Variants in SLC35F3 observed in about 807,000 individuals in gnomAD.
SLC35F3 encodes the protein putative thiamine transporter SLC35F3.
A neutral mutation model predicts 49.9 loss-of-function variants in SLC35F3; 25 were observed. The observed-to-expected ratio is 0.50, with a 90% CI of 0.37 to 0.70. The LOEUF (loss-of-function observed/expected upper bound fraction) is 0.70. SLC35F3 is among the 30% of genes least tolerant of loss of function. SLC35F3 has a pLI of 0.00. For missense variants in SLC35F3, 525 were observed against 639.8 expected (o/e 0.82, Z 1.94); for synonymous variants, 275 against 265.4 (o/e 1.04, Z -0.35).
chr1:234,199,255 A>C (rs1472751736), intron 2 of SLC35F3, among the ~76,000 whole-genome samples: 2 of 152,144 alleles, frequency 1.3e-5, no homozygotes, highest in Non-Finnish European at 2.9e-5. Flanking sequence ...AAGAAAAAAA[A>C]CAAAAGTCGT....
chr1:234,210,779 A>G (rs968134483), intron 2 of SLC35F3, among the ~76,000 whole-genome samples: 1 of 152,264 alleles, frequency 6.6e-6, no homozygotes, highest in Non-Finnish European at 1.5e-5. Context: ...GCCTCAATGC[A>G]ATAGAAAGGA....
At chr1:233,996,920 C>CATATTGGGTG (rs1402959374) in intron 2 of SLC35F3, among the ~76,000 whole-genome samples, 3 of 152,104 alleles carry the variant, frequency 2.0e-5, no homozygotes, top group African/African-American at 7.2e-5. Context: ...CCTGTGACCC[C>CATATTGGGTG]CCACCCCTTA....
intron 2 of SLC35F3, among the ~76,000 whole-genome samples, chr1:233,977,111 C>T (rs918564015): frequency 6.6e-6 from 1 of 152,194 alleles, no homozygotes; most frequent in Non-Finnish European, 1.5e-5. Flanking sequence ...CAGGTTAGCT[C>T]AGCCAGCAGT....
At chr1:233,998,778 C>T (rs1340291486) in intron 2 of SLC35F3, among the ~76,000 whole-genome samples, 4 of 152,022 alleles carry the variant, frequency 2.6e-5, no homozygotes, top group Admixed American at 6.6e-5. Flanking sequence ...GTTATAGCAG[C>T]AGGAGTTAAA....
At chr1:234,178,861 CAT>C (rs552991587) in intron 2 of SLC35F3, among the ~76,000 whole-genome samples, 171 of 152,344 alleles carry the variant, frequency 1.1e-3, no homozygotes, top group African/African-American at 4.0e-3. Flanking sequence ...TGTCTAATGA[CAT>C]GTGTATCTAT....
intron 2 of SLC35F3, among the ~76,000 whole-genome samples, chr1:233,994,463 T>G (rs988825144): frequency 1.3e-5 from 2 of 151,986 alleles, no homozygotes; most frequent in African/African-American, 4.8e-5. Flanking sequence ...CAGAGTGTGG[T>G]GTGTATCAGC....
intron 2 of SLC35F3, among the ~76,000 whole-genome samples, chr1:234,206,607 G>A (rs1027563210): frequency 2.0e-5 from 3 of 152,030 alleles, no homozygotes; most frequent in East Asian, 1.9e-4. Context: ...CCACGCATTC[G>A]TTCACTCAAC....
chr1:234,012,092 G>A (rs958195374), intron 2 of SLC35F3, among the ~76,000 whole-genome samples: 34 of 152,344 alleles, frequency 2.2e-4, no homozygotes, highest in African/African-American at 7.9e-4. Context: ...AAGAATCTGT[G>A]TCATAATTAA....
intron 2 of SLC35F3, among the ~76,000 whole-genome samples, chr1:234,059,119 G>A (rs1030831628): frequency 3.3e-5 from 5 of 151,870 alleles, no homozygotes; most frequent in African/African-American, 1.2e-4. Flanking sequence ...CTCTTCAAGT[G>A]AATAGCTTTT....
intron 2 of SLC35F3, among the ~76,000 whole-genome samples, chr1:234,217,645 C>A (rs916852546): frequency 2.0e-5 from 3 of 151,556 alleles, no homozygotes; most frequent in African/African-American, 4.9e-5. Context: ...TAAGAAGAGG[C>A]CTTTCTGAGG....
At chr1:234,041,135 A>T (rs982411971) in intron 2 of SLC35F3, among the ~76,000 whole-genome samples, 1 of 152,190 alleles carries the variant, frequency 6.6e-6, no homozygotes, top group Non-Finnish European at 1.5e-5. Flanking sequence ...TCTAGGGCTA[A>T]TCTGCTTCTA....
In SLC35F3 at chr1:234,231,403, C is replaced by G. The variant is rs1212675939; in HGVS notation, c.284-14C>G. 2.6e-6 allele frequency: 4 copies of G among 1,514,142 alleles called. No homozygotes were observed. Among genetic ancestry groups the G allele is most frequent in the Non-Finnish European group, 2.6e-6 (3 of 1,134,414 alleles). The allele number at this position is 1,514,142 out of a possible 1,614,324, so 93.8% of individuals were successfully genotyped here. ...GTCTGCAGGCCCCGCTAACCACGCC[C>G]TTCTCTTCCCCAGGGGAGGAGCGCC... On this transcript the variant is annotated splice_polypyrimidine_tract_variant and intron_variant, in intron 2 of 7. Coordinates refer to ENST00000366618, the MANE Select transcript of SLC35F3 (RefSeq NM_173508.4). This position sits in a 1 kb window ranked among gnomAD's most constrained non-coding sequence, Gnocchi z 5.4.
intron 2 of SLC35F3, among the ~76,000 whole-genome samples, chr1:234,156,065 T>A (rs1666147037): frequency 1.3e-5 from 2 of 152,164 alleles, no homozygotes; most frequent in South Asian, 2.1e-4. Flanking sequence ...AATCAAAAGT[T>A]TATACTTTTA....
At chr1:234,292,212 G>A (rs899437944) in intron 3 of SLC35F3, among the ~76,000 whole-genome samples, 7 of 152,264 alleles carry the variant, frequency 4.6e-5, no homozygotes, top group African/African-American at 1.7e-4. Flanking sequence ...AAAGCAATGT[G>A]TGAGGCAGTT....
At chr1:234,246,009 G>A (rs373986647) in intron 3 of SLC35F3, among the ~76,000 whole-genome samples, 6 of 152,312 alleles carry the variant, frequency 3.9e-5, no homozygotes, top group East Asian at 1.9e-4. Flanking sequence ...CTTGACTGGA[G>A]GGTGGCAAGA....
At chr1:234,201,957 C>T (rs147911146) in intron 2 of SLC35F3, among the ~76,000 whole-genome samples, 46 of 146,900 alleles carry the variant, frequency 3.1e-4, no homozygotes, top group African/African-American at 9.0e-4. Flanking sequence ...TGTGCAAATG[C>T]AAAAGCAAAG....
At chr1:233,924,167 T>G (rs1662116436) in intron 2 of SLC35F3, among the ~76,000 whole-genome samples, 1 of 152,248 alleles carries the variant, frequency 6.6e-6, no homozygotes, top group African/African-American at 2.4e-5. Flanking sequence ...ATAAAATGAT[T>G]TACGGAAAAT....
chr1:234,106,046 A>C (rs1045338150), intron 2 of SLC35F3, among the ~76,000 whole-genome samples: 1 of 152,214 alleles, frequency 6.6e-6, no homozygotes, highest in African/African-American at 2.4e-5. Flanking sequence ...AGTGTGAGAC[A>C]AGCCTTTGTT....
chr1:234,175,159 C>T (rs1572081599), intron 2 of SLC35F3, among the ~76,000 whole-genome samples: 1 of 152,204 alleles, frequency 6.6e-6, no homozygotes, highest in East Asian at 1.9e-4. Context: ...TAAACTTTCT[C>T]ATTTAAATGC....
Sources: allele counts gnomAD v4.1 joint callset (sites outside exome capture counted in the v4.1 genomes callset), GRCh38; gene constraint gnomAD v4.1.1; non-coding constraint Gnocchi (gnomAD v3.1); transcripts MANE v1.5; gene names NCBI Gene and HGNC (gene_info 2026-07-23, HGNC 2026-07-21).